The following RCL1 variants were observed in gnomAD, a reference collection of about 807,000 sequenced individuals.
The protein encoded by RCL1 is RNA 3'-terminal phosphate cyclase-like protein.
RCL1 carries 24 observed loss-of-function variants against 42.4 expected under a neutral mutation model. The observed-to-expected ratio is 0.57, with a 90% CI of 0.41 to 0.80. The LOEUF is 0.80. RCL1 is among the 30% of genes least tolerant of loss of function. The pLI is 0.00. For missense variants in RCL1, 578 were observed against 467.9 expected, an observed-to-expected ratio of 1.24 and a Z score of -2.17; for synonymous variants, 228 against 177.3, an observed-to-expected ratio of 1.29 and a Z score of -2.27.
chr9:4,854,122 A>G (rs1020037627), intron 8 of RCL1, among the ~76,000 whole-genome samples: 5 of 152,204 alleles, frequency 3.3e-5, no homozygotes, highest in African/African-American at 1.2e-4. Context: ...GTATGGTAAA[A>G]GCAAGTGATA....
intron 5 of RCL1, 69 bp downstream of exon 5, chr9:4,834,334 A>G (rs1356855824): frequency 3.9e-6 from 6 of 1,522,820 alleles, no homozygotes; most frequent in Non-Finnish European, 5.4e-6. Context: ...AAGAATGACT[A>G]ACAGCTTTAC....
chr9:4,810,147 G>C (rs561272861), intron 1 of RCL1, among the ~76,000 whole-genome samples: 1 of 152,244 alleles, frequency 6.6e-6, no homozygotes, highest in African/African-American at 2.4e-5. Flanking sequence ...ATTTTTAAAG[G>C]TATTTTTTCT....
intron 3 of RCL1, among the ~76,000 whole-genome samples, chr9:4,829,913 C>G (rs779305203): frequency 1.7e-4 from 26 of 152,156 alleles, no homozygotes; most frequent in Admixed American, 1.2e-3. Flanking sequence ...CACAGCTGAC[C>G]TCATCATTCA....
At chr9:4,797,733 T>G (rs1842935445) in intron 1 of RCL1, among the ~76,000 whole-genome samples, 1 of 152,184 alleles carries the variant, frequency 6.6e-6, no homozygotes, top group Non-Finnish European at 1.5e-5. Flanking sequence ...AATAGCAGCA[T>G]GTGACACCAA....
chr9:4,810,687 G>A (rs550870484), intron 1 of RCL1, among the ~76,000 whole-genome samples: 19 of 152,242 alleles, frequency 1.2e-4, no homozygotes, highest in Admixed American at 7.8e-4. Flanking sequence ...ATGCTGGATC[G>A]TAGGGTGTGC....
At chr9:4,846,142 C>G (rs1327835574) in intron 7 of RCL1, among the ~76,000 whole-genome samples, 3 of 152,194 alleles carry the variant, frequency 2.0e-5, no homozygotes, top group Admixed American at 2.0e-4. Flanking sequence ...CTCCCTTGAT[C>G]CAAGTCAGTG....
intron 4 of RCL1, among the ~76,000 whole-genome samples, chr9:4,833,897 A>G (rs1817032763): frequency 6.6e-6 from 1 of 152,254 alleles, no homozygotes; most frequent in African/African-American, 2.4e-5. Flanking sequence ...TGACCTGTTC[A>G]GGGTTAAAGA....
rs1211870560 is a variant in RCL1, at chr9:4,860,135, T to C, written c.982T>C (p.Leu328=). 1.9e-6 allele frequency: 3 copies of C among 1,580,556 alleles called. No homozygotes were observed. The highest frequency in any genetic ancestry group is 4.5e-5 in the East Asian group (2 of 44,128). The change falls in exon 9 of 9, where the codon TTG becomes CTG. Residue 328 remains leucine, a synonymous_variant. Transcript: ENST00000381750. ...TTTTTTCCTTTTTAGGATAGAATTT[T>C]TGCGGCATTTGAAGAGCTTTTTCCA... ...GPLSPYTIEF[L]RHLKSFFQIM... is the part of the protein sequence containing the mutation.
chr9:4,818,134 T>C (rs933193803), intron 1 of RCL1, among the ~76,000 whole-genome samples: 1 of 151,958 alleles, frequency 6.6e-6, no homozygotes, highest in Non-Finnish European at 1.5e-5. Context: ...TTGGCCAGGC[T>C]GGTCTTGAAC....
intron 8 of RCL1, among the ~76,000 whole-genome samples, chr9:4,855,732 A>C (rs1464945687): frequency 5.3e-5 from 8 of 152,060 alleles, no homozygotes; most frequent in Non-Finnish European, 1.2e-4. Flanking sequence ...AAGATTCTGA[A>C]ATGTACCTTA....
intron 1 of RCL1, among the ~76,000 whole-genome samples, chr9:4,798,878 C>CT (rs33938649): frequency 5.7e-5 from 8 of 139,784 alleles, no homozygotes; most frequent in Admixed American, 3.5e-4. Context: ...AAGACTTCTT[C>CT]TTTTTTTTTT....
chr9:4,819,573 T>G (rs1816513365), intron 1 of RCL1, among the ~76,000 whole-genome samples: 1 of 150,894 alleles, frequency 6.6e-6, no homozygotes. Context: ...CTTTGGGAGG[T>G]CGAGGCGGGG....
At chr9:4,805,932 G>T (rs1815935288) in intron 1 of RCL1, among the ~76,000 whole-genome samples, 1 of 151,536 alleles carries the variant, frequency 6.6e-6, no homozygotes, top group African/African-American at 2.4e-5. Context: ...TAAATATGTT[G>T]TTTTTTTGGA....
chr9:4,795,390 T>C (rs994193593), intron 1 of RCL1, among the ~76,000 whole-genome samples: 2 of 152,204 alleles, frequency 1.3e-5, no homozygotes, highest in African/African-American at 4.8e-5. Context: ...GCCTGTCTGC[T>C]TAATTTCTTA....
intron 1 of RCL1, among the ~76,000 whole-genome samples, chr9:4,805,897 G>A (rs1024575154): frequency 6.6e-6 from 1 of 152,150 alleles, no homozygotes; most frequent in African/African-American, 2.4e-5. Context: ...TACAAGTACA[G>A]TACATGTTTT....
chr9:4,815,176 T>C (rs1816326945), intron 1 of RCL1, among the ~76,000 whole-genome samples: 1 of 152,164 alleles, frequency 6.6e-6, no homozygotes, highest in Non-Finnish European at 1.5e-5. Context: ...CTTGGGAGCT[T>C]TTCACCTATT....
At chr9:4,818,871 CAAA>C (rs34209971) in intron 1 of RCL1, among the ~76,000 whole-genome samples, 46 of 115,144 alleles carry the variant, frequency 4.0e-4, no homozygotes, top group Non-Finnish European at 5.0e-4. Flanking sequence ...GACTCTGTCT[CAAA>C]AAAAAAAAAA....
At chr9:4,804,041 T>C (rs1035687759) in intron 1 of RCL1, 11 of 152,482 alleles carry the variant, frequency 7.2e-5, no homozygotes, top group African/African-American at 2.2e-4. Context: ...CAAGTGTGGG[T>C]AGTGATCTTT....
At chr9:4,836,533 A>G (rs542155313) in intron 5 of RCL1, among the ~76,000 whole-genome samples, 138 of 151,982 alleles carry the variant, frequency 9.1e-4, no homozygotes, top group Non-Finnish European at 1.6e-3. Context: ...CTAGGTGCTG[A>G]CAGGATCTGG....
Sources: allele counts gnomAD v4.1 joint callset (sites outside exome capture counted in the v4.1 genomes callset), GRCh38; gene constraint gnomAD v4.1.1; transcripts MANE v1.5; gene names NCBI Gene and HGNC (gene_info 2026-07-23, HGNC 2026-07-21).